WRN: variants seen among roughly 807,000 people sequenced by gnomAD.
The protein encoded by WRN is WRN RecQ like helicase.
WRN carries 149 observed loss-of-function variants against 180.7 expected under a neutral mutation model. The ratio of observed to expected loss-of-function variants is 0.82; its 90% confidence interval spans 0.72 to 0.94. WRN has a LOEUF of 0.94. Among genes scored for constraint, WRN ranks in the 40% least tolerant of loss-of-function variants. WRN has a pLI of 0.00. For missense variants in WRN, 1,661 were observed against 1,700.1 expected, an observed-to-expected ratio of 0.98 and a Z score of 0.40; for synonymous variants, 548 against 568.9, an observed-to-expected ratio of 0.96 and a Z score of 0.52.
chr8:31,168,722 T>G (rs1174112712), intron 34 of WRN, among the ~76,000 whole-genome samples: 2 of 152,174 alleles, frequency 1.3e-5, no homozygotes, highest in Non-Finnish European at 2.9e-5. Flanking sequence ...AGGCCTACTT[T>G]CAGAATCTGT....
At chr8:31,121,015 C>CT (rs1801705897) in intron 21 of WRN, among the ~76,000 whole-genome samples, 1 of 151,998 alleles carries the variant, frequency 6.6e-6, no homozygotes, top group African/African-American at 2.4e-5. Context: ...TGTTCAGTAT[C>CT]TAAGTGCAGG....
intron 3 of WRN, among the ~76,000 whole-genome samples, chr8:31,061,622 A>T (rs757495887): frequency 6.6e-6 from 1 of 151,896 alleles, no homozygotes; most frequent in Non-Finnish European, 1.5e-5. Flanking sequence ...CAGACATCTA[A>T]GTTACCTGAA....
intron 23 of WRN, among the ~76,000 whole-genome samples, chr8:31,125,971 AATATATATATATAT>A (rs55952524): frequency 0.46 from 67,541 of 145,616 alleles, 15,910 homozygotes; most frequent in East Asian, 0.61. Context: ...CATCATCCTA[AATATATATATATAT>A]ATATATATAT....
chr8:31,113,258 A>G (rs1353006713), intron 19 of WRN, among the ~76,000 whole-genome samples: 2 of 152,014 alleles, frequency 1.3e-5, no homozygotes, highest in African/African-American at 4.8e-5. Flanking sequence ...GCATAGACAA[A>G]TAGAGTTTAA....
chr8:31,147,326 A>G (rs753229629), intron 29 of WRN, 38 bp from the exon 30 acceptor site: 13 of 1,591,326 alleles, frequency 8.2e-6, no homozygotes, highest in Admixed American at 1.7e-5. Flanking sequence ...TCTTTTAAGT[A>G]CACTTTAAAA....
In WRN at chr8:31,157,518, C is replaced by T. The variant is rs754624193; in HGVS notation, c.3970C>T (p.Pro1324Ser). 3 of 1,614,094 alleles carry T rather than the reference C, an allele frequency of 1.9e-6. No individual in the cohort carries two copies. The highest frequency in any genetic ancestry group is 2.5e-6 in the Non-Finnish European group (3 of 1,180,008). The change falls in exon 33 of 35, where the codon CCC (proline) becomes TCC (serine). Residue 1324 changes from proline to serine, a missense_variant. By Grantham distance (74) the Pro-to-Ser change is moderately conservative. Around this residue, in one of 3 missense-constraint regions of WRN, gnomAD observed 1,141 missense variants for 1,149.4 expected, o/e 0.99. Coordinates refer to ENST00000298139, the MANE Select transcript of WRN (RefSeq NM_000553.6). ...KIIADVIRNPPVNSDMSKISL... is the reference protein window; with the variant it reads ...KIIADVIRNPSVNSDMSKISL... ...TATTGCTGATGTTATCCGAAACCCTCCCGTCAACTCAGGTGAGAGGCATGG... is the reference window on the plus strand; with the variant it reads ...TATTGCTGATGTTATCCGAAACCCTTCCGTCAACTCAGGTGAGAGGCATGG...
chr8:31,126,110 A>G (rs907249885), intron 23 of WRN, among the ~76,000 whole-genome samples: 3 of 152,088 alleles, frequency 2.0e-5, no homozygotes, highest in African/African-American at 7.2e-5. Flanking sequence ...AGACCAAAAA[A>G]TCAGTAAGAA....
intron 32 of WRN, among the ~76,000 whole-genome samples, chr8:31,156,230 A>G (rs1017621365): frequency 1.3e-5 from 2 of 152,140 alleles, no homozygotes; most frequent in African/African-American, 2.4e-5. Context: ...CAGCCATAAT[A>G]TGGGGTTTCA....
intron 11 of WRN, chr8:31,087,498 T>C (rs1272734005): frequency 6.1e-6 from 2 of 329,332 alleles, no homozygotes; most frequent in African/African-American, 4.2e-5. Flanking sequence ...TTATCCAAAT[T>C]TAAAATTTAT....
chr8:31,113,073 G>A (rs1294334265), intron 19 of WRN, among the ~76,000 whole-genome samples: 1 of 151,744 alleles, frequency 6.6e-6, no homozygotes, highest in Non-Finnish European at 1.5e-5. Context: ...GGGCATGGTG[G>A]TGCATGCCTG....
At chr8:31,102,182 A>G (rs1316889210) in intron 18 of WRN, among the ~76,000 whole-genome samples, 1 of 152,210 alleles carries the variant, frequency 6.6e-6, no homozygotes, top group Non-Finnish European at 1.5e-5. Flanking sequence ...TTCCCTTACC[A>G]CAAAGCTCCC....
Position 31,107,541 on chromosome 8 carries a change from T to G in WRN, c.2089-4074T>G, listed in dbSNP as rs112312507. Among the ~76,000 whole-genome samples, 287 of 152,254 alleles carry G rather than the reference T, an allele frequency of 1.9e-3. 2 individuals are homozygous for G. Among genetic ancestry groups the G allele is most frequent in the African/African-American group, 6.5e-3 (272 of 41,542 alleles). ...AGTGGCTGAGAAAACGTTTTTCCCC[T>G]GGTGTTTTCAAGAACCCTCTTTATT... On this transcript the variant is annotated intron_variant, in intron 18 of 34. Transcript: ENST00000298139.
intron 1 of WRN, among the ~76,000 whole-genome samples, chr8:31,035,026 C>T (rs954999760): frequency 2.6e-5 from 4 of 152,118 alleles, no homozygotes; most frequent in African/African-American, 9.7e-5. Flanking sequence ...TTTAAAGGGG[C>T]TTGCATTCTT....
At chr8:31,063,356 A>G (rs1055076994) in intron 3 of WRN, among the ~76,000 whole-genome samples, 5 of 152,096 alleles carry the variant, frequency 3.3e-5, no homozygotes, top group African/African-American at 1.2e-4. Flanking sequence ...AGTTGGTTCA[A>G]TCCATTCTCT....
chr8:31,034,683 A>G (rs761633705), intron 1 of WRN, among the ~76,000 whole-genome samples: 27 of 152,168 alleles, frequency 1.8e-4, no homozygotes, highest in South Asian at 1.7e-3. Flanking sequence ...CAAAATGAGG[A>G]CAGCTGCCCA....
chr8:31,083,044 T>C (rs1293015361), intron 9 of WRN, among the ~76,000 whole-genome samples: 1 of 152,210 alleles, frequency 6.6e-6, no homozygotes, highest in Non-Finnish European at 1.5e-5. Context: ...TCCTACTTCC[T>C]GTTTAAATAT....
intron 1 of WRN, among the ~76,000 whole-genome samples, chr8:31,042,935 A>C (rs554573955): frequency 6.6e-6 from 1 of 152,354 alleles, no homozygotes; most frequent in Non-Finnish European, 1.5e-5. Context: ...GTCTTCAAAA[A>C]GTCAGATCAA....
Position 31,080,855 on chromosome 8 carries a change from T to C in WRN, c.840-12T>C. On this transcript the variant is annotated splice_polypyrimidine_tract_variant and intron_variant, in intron 8 of 34. Transcript: ENST00000298139. ...TTGAAGTTGAATTAATCTTTCTTAA[T>C]TTTTTTTTTAGGGTTTCTATCTTAC... 1 of 1,384,476 alleles carries C rather than the reference T, an allele frequency of 7.2e-7. No individual in the cohort carries two copies. Among genetic ancestry groups the C allele is most frequent in the Non-Finnish European group, 9.9e-7 (1 of 1,010,072 alleles). The allele number at this position is 1,384,476 out of a possible 1,614,324, so 85.8% of individuals were successfully genotyped here.
intron 1 of WRN, among the ~76,000 whole-genome samples, chr8:31,054,965 T>C (rs111267095): frequency 0.013 from 1,988 of 152,332 alleles, 38 homozygotes; most frequent in African/African-American, 0.044. Flanking sequence ...AGTGAGAACA[T>C]GTGGTATTTG....
Sources: allele counts gnomAD v4.1 joint callset (sites outside exome capture counted in the v4.1 genomes callset), GRCh38; gene constraint gnomAD v4.1.1; regional missense constraint gnomAD v4.1.1; transcripts MANE v1.5; gene names NCBI Gene and HGNC (gene_info 2026-07-23, HGNC 2026-07-21).